Variants in SLC35B3 observed in about 807,000 individuals in gnomAD.
SLC35B3 encodes adenosine 3'-phospho 5'-phosphosulfate transporter 2.
In SLC35B3, 35 loss-of-function variants were observed where a neutral mutation model predicts 44.1. The observed-to-expected ratio is 0.79, with a 90% confidence interval of 0.61 to 1.05. The LOEUF is 1.05. SLC35B3 is among the 50% of genes least tolerant of loss of function. The pLI, the probability that SLC35B3 is intolerant of heterozygous loss-of-function variation, is 0.00. For synonymous variants in SLC35B3, 146 were observed against 167.3 expected, an observed-to-expected ratio of 0.87 and a Z score of 0.98; for missense variants, 414 against 476.4, an observed-to-expected ratio of 0.87 and a Z score of 1.22.
At chr6:8,431,256 G>A (rs542773824) in intron 2 of SLC35B3, among the ~76,000 whole-genome samples, 96 of 152,272 alleles carry the variant, frequency 6.3e-4, no homozygotes, top group African/African-American at 2.2e-3. Context: ...TCTTAGAAAC[G>A]ACTCATCTGT....
chr6:8,413,345 C>G lies in SLC35B3; in HGVS notation c.*204G>C. 2.1e-6 allele frequency: 1 copy of G among 472,294 alleles called. No homozygotes were observed. Among genetic ancestry groups the G allele is most frequent in the Non-Finnish European group, 3.7e-6 (1 of 269,854 alleles). 29.3% of individuals were successfully genotyped at this position (472,294 alleles called of 1,614,324 possible). ...ACATTTTATTGTAAAGTCTGCTAGA[C>G]GTGGCTCTCTTGATTGCTTTGGAAG... On this transcript the variant is annotated 3_prime_UTR_variant, in exon 11 of 11. Coordinates refer to ENST00000644923, the MANE Select transcript of SLC35B3 (RefSeq NM_001370476.2).
Position 8,435,316 on chromosome 6 carries a change from C to T in SLC35B3, c.-44+27G>A, listed in dbSNP as rs1192391393. 1 of 1,289,368 alleles carries T rather than the reference C, an allele frequency of 7.8e-7. No homozygotes were observed. The highest frequency in any genetic ancestry group is 1.0e-6 in the Non-Finnish European group (1 of 988,864). The allele number at this position is 1,289,368 out of a possible 1,614,324, so 79.9% of individuals were successfully genotyped here. A position where few individuals can be genotyped will look rare whatever the true frequency, so the allele number is the denominator to read the frequency against. ...GGAGAGGAGATCTGGGTCCCAAACA[C>T]AGGAAAGGCCCCGAAGGCACGCGTA... On this transcript the variant is annotated intron_variant, in intron 1 of 10. Coordinates refer to ENST00000644923, the MANE Select transcript of SLC35B3 (RefSeq NM_001370476.2). The surrounding 1 kb of genome is among the most constrained non-coding windows in gnomAD (Gnocchi z 5.5).
intron 4 of SLC35B3, 81 bp from the exon 4 acceptor site, chr6:8,422,705 TGTCTAATTA>T: frequency 9.2e-7 from 1 of 1,085,540 alleles, no homozygotes; most frequent in Non-Finnish European, 1.3e-6. Context: ...ATTGTGTAAA[TGTCTAATTA>T]CTTTTCTAAT....
intron 2 of SLC35B3, among the ~76,000 whole-genome samples, chr6:8,430,945 T>G (rs555510321): frequency 6.6e-6 from 1 of 151,998 alleles, no homozygotes; most frequent in Admixed American, 6.5e-5. Flanking sequence ...AAACCTAAGG[T>G]CCTTAAAAAG....
At chr6:8,421,564 A>T (rs1278832887) in intron 5 of SLC35B3, among the ~76,000 whole-genome samples, 1 of 152,218 alleles carries the variant, frequency 6.6e-6, no homozygotes. Context: ...ATACAGAAAC[A>T]CCCGACTATT....
At chr6:8,425,809 G>C (rs902720576) in intron 4 of SLC35B3, among the ~76,000 whole-genome samples, 1 of 152,112 alleles carries the variant, frequency 6.6e-6, no homozygotes, top group African/African-American at 2.4e-5. Context: ...ACACACATTA[G>C]GGTACGACAG....
rs371936863 is a variant in SLC35B3 at position 8,419,635 on chromosome 6, A to G, written c.725T>C (p.Ile242Thr). The G allele has an allele frequency of 6.4e-7, 1 of 1,569,456 alleles. No individual in the cohort carries two copies. The highest frequency in any genetic ancestry group is 8.7e-7 in the Non-Finnish European group (1 of 1,152,252). Residue 242 changes from isoleucine (I) to threonine (T), a missense_variant, in exon 7 of 11, where the codon ATT becomes ACT. Coordinates refer to ENST00000644923, the MANE Select transcript of SLC35B3 (RefSeq NM_001370476.2). The surrounding 1 kb of genome is among the most constrained non-coding windows in gnomAD (Gnocchi z 4.3). Reference sequence around the variant, plus strand: ...CATAGCTTTCTCTTGAACATTTCCAATGACGGCATCTGCACATAGTGCCAG... The same window carrying G: ...CATAGCTTTCTCTTGAACATTTCCAGTGACGGCATCTGCACATAGTGCCAG...
intron 8 of SLC35B3, among the ~76,000 whole-genome samples, 191 bp downstream of exon 7, chr6:8,417,211 T>C (rs1272636592): frequency 6.6e-6 from 1 of 152,094 alleles, no homozygotes; most frequent in Non-Finnish European, 1.5e-5. Flanking sequence ...AATCAACTCA[T>C]AGGGTACAGC....
chr6:8,426,925 G>A (rs1439501562), intron 4 of SLC35B3, among the ~76,000 whole-genome samples: 2 of 152,172 alleles, frequency 1.3e-5, no homozygotes, highest in Admixed American at 6.5e-5. Context: ...AGATGGACAT[G>A]AGGAACTTGT....
chr6:8,411,572 T>G lies in SLC35B3; in HGVS notation c.*1977A>C, dbSNP rs1338484890. ...GTATGCATTAAGATCCCGTCTATCT[T>G]AAGCCAGGAAAAATTTTAAATGATT... On this transcript the variant is annotated 3_prime_UTR_variant, in exon 11 of 11. Coordinates refer to ENST00000644923, the MANE Select transcript of SLC35B3 (RefSeq NM_001370476.2). Among the ~76,000 whole-genome samples, 8 of 152,198 alleles carry G rather than the reference T, an allele frequency of 5.3e-5. No homozygotes were observed. The highest frequency in any genetic ancestry group is 5.2e-4 in the Admixed American group (8 of 15,276).
chr6:8,428,720 C>T (rs996758432), intron 3 of SLC35B3, among the ~76,000 whole-genome samples: 1 of 152,112 alleles, frequency 6.6e-6, no homozygotes. Context: ...CAATGGCTAA[C>T]TCTGTTCCCA....
At position 8,411,654 on chromosome 6, in the gene SLC35B3, C is replaced by T. The variant is rs749885258; in HGVS notation, c.*1895G>A. 4.6e-5 allele frequency among the ~76,000 whole-genome samples: 7 copies of T among 152,096 alleles called. No individual in the cohort carries two copies. The highest frequency in any genetic ancestry group is 1.0e-4 in the Non-Finnish European group (7 of 68,024). On this transcript the variant is annotated 3_prime_UTR_variant, in exon 11 of 11. Coordinates refer to ENST00000644923, the MANE Select transcript of SLC35B3 (RefSeq NM_001370476.2). ...AGCAAATGGGCAAATGAAAACCAGT[C>T]CGAATTCCTCATGCTGGACCCCTCC... is the stretch of plus-strand genomic sequence containing the variant.
At chr6:8,431,831 A>C (rs1218961143) in intron 2 of SLC35B3, among the ~76,000 whole-genome samples, 1 of 152,184 alleles carries the variant, frequency 6.6e-6, no homozygotes, top group Non-Finnish European at 1.5e-5. Flanking sequence ...GCACCATTCA[A>C]ATAAACCCGG....
In SLC35B3 at chr6:8,412,508, CTG is replaced by C. The variant is rs1439898511; in HGVS notation, c.*1039_*1040del. Reference sequence around the variant, plus strand: ...ATTCCTTTGGGATTACTTGGGCAAACTGTAGCAAATTTTTCTTACTACACATA... The same window carrying C: ...ATTCCTTTGGGATTACTTGGGCAAACTAGCAAATTTTTCTTACTACACATA... On this transcript the variant is annotated 3_prime_UTR_variant, in exon 11 of 11. Coordinates refer to ENST00000644923, the MANE Select transcript of SLC35B3 (RefSeq NM_001370476.2). Among the ~76,000 whole-genome samples the C allele has an allele frequency of 5.3e-5, 8 of 152,154 alleles. No individual in the cohort carries two copies. The highest frequency in any genetic ancestry group is 1.2e-4 in the Non-Finnish European group (8 of 68,012).
At chr6:8,417,045 G>C in intron 8 of SLC35B3, 50 bp from the exon 8 acceptor site, 4 of 985,372 alleles carry the variant, frequency 4.1e-6, no homozygotes, top group Non-Finnish European at 6.1e-6. Context: ...AAACTCCGAG[G>C]TATTACAAAT....
chr6:8,420,679 TA>T lies in SLC35B3; in HGVS notation c.682+41del. On this transcript the variant is annotated intron_variant, in intron 6 of 10. Transcript: ENST00000644923. The surrounding 1 kb of genome is among the most constrained non-coding windows in gnomAD (Gnocchi z 4.4). ...AATATTCGAAATTCGTATTCTAAAC[TA>T]AAAAGCCTATAAAAGCTAGGAATAT... The T allele has an allele frequency of 6.9e-7, 1 of 1,441,952 alleles. No individual in the cohort carries two copies. Among genetic ancestry groups the T allele is most frequent in the Middle Eastern group, 1.8e-4 (1 of 5,590 alleles). The allele number at this position is 1,441,952 out of a possible 1,614,324, so 89.3% of individuals were successfully genotyped here. A position where few individuals can be genotyped will look rare whatever the true frequency, so the allele number is the denominator to read the frequency against.
rs1289450846 is a variant in SLC35B3, at chr6:8,411,497, T to A, written c.*2052A>T. ...ATTTGAGAAAGTTGACAAGTTTTTCTTTCAAGTACAAATCCTTTTCTTCTT... is the reference window on the plus strand; with the variant it reads ...ATTTGAGAAAGTTGACAAGTTTTTCATTCAAGTACAAATCCTTTTCTTCTT... On this transcript the variant is annotated 3_prime_UTR_variant, in exon 11 of 11. Coordinates refer to ENST00000644923, the MANE Select transcript of SLC35B3 (RefSeq NM_001370476.2). Among the ~76,000 whole-genome samples the A allele has an allele frequency of 6.6e-6, 1 of 152,228 alleles. No homozygotes were observed. Among genetic ancestry groups the A allele is most frequent in the Non-Finnish European group, 1.5e-5 (1 of 68,042 alleles).
intron 3 of SLC35B3, among the ~76,000 whole-genome samples, chr6:8,429,089 A>G (rs76166874): frequency 0.019 from 2,827 of 152,256 alleles, 67 homozygotes; most frequent in African/African-American, 0.05. Context: ...AAGAAAATAC[A>G]TCATTTTCCT....
intron 10 of SLC35B3, among the ~76,000 whole-genome samples, chr6:8,414,255 T>A (rs1038254988): frequency 6.6e-6 from 1 of 152,174 alleles, no homozygotes; most frequent in Admixed American, 6.6e-5. Flanking sequence ...TTGATGGAAA[T>A]TAATTTTATG....
Sources: gnomAD v4.1 joint callset for allele counts (sites outside exome capture counted in the v4.1 genomes callset) on GRCh38, gnomAD v4.1.1 for gene constraint, Gnocchi (gnomAD v3.1) non-coding constraint, MANE v1.5 for transcripts, NCBI Gene and HGNC (gene_info 2026-07-23, HGNC 2026-07-21) for gene names.